Variants in RAB38 observed in about 807,000 individuals in gnomAD.
The protein encoded by RAB38 is ras-related protein Rab-38.
A neutral mutation model predicts 18.4 loss-of-function variants in RAB38; 15 were observed. The observed-to-expected ratio is 0.82, with a 90% CI of 0.55 to 1.26. The LOEUF (loss-of-function observed/expected upper bound fraction) is 1.26. Ranked by LOEUF, RAB38 falls within the 50% of genes most tolerant of loss-of-function variation. RAB38 has a pLI of 0.00. For missense variants in RAB38, 294 were observed against 267.4 expected, an observed-to-expected ratio of 1.10 and a Z score of -0.69; for synonymous variants, 101 against 104.4, an observed-to-expected ratio of 0.97 and a Z score of 0.20.
At chr11:88,018,697 G>A in the RAB38 span, among the ~76,000 whole-genome samples, 1 of 152,022 alleles carries the variant, frequency 6.6e-6, no homozygotes, top group East Asian at 1.9e-4. Flanking sequence ...ATATAAAATT[G>A]TGTAATATTT....
chr11:87,857,844 C>T, the RAB38 span, among the ~76,000 whole-genome samples: 1 of 152,108 alleles, frequency 6.6e-6, no homozygotes, highest in South Asian at 2.1e-4. Context: ...GTTTCTTTTG[C>T]TGTGCAGAAG....
the RAB38 span, among the ~76,000 whole-genome samples, chr11:87,957,078 C>G: frequency 0.056 from 8,553 of 151,968 alleles, 300 homozygotes; most frequent in Non-Finnish European, 0.084. Flanking sequence ...ATGAATCTGT[C>G]TATTGTTATA....
the RAB38 span, among the ~76,000 whole-genome samples, chr11:87,884,961 C>T: frequency 1.3e-5 from 2 of 151,852 alleles, no homozygotes; most frequent in African/African-American, 2.4e-5. Context: ...TCAGTGGTTC[C>T]CAAACCTACC....
the RAB38 span, among the ~76,000 whole-genome samples, chr11:88,089,876 G>A: frequency 6.6e-6 from 1 of 151,910 alleles, no homozygotes; most frequent in Admixed American, 6.6e-5. Flanking sequence ...GTACTGGTTT[G>A]GCTTACTTTC....
At chr11:88,151,664 T>C (rs1943064567) in intron 1 of RAB38, among the ~76,000 whole-genome samples, 1 of 152,226 alleles carries the variant, frequency 6.6e-6, no homozygotes. Context: ...AACATATCTC[T>C]AAGAAGAACA....
At chr11:87,876,843 C>T in the RAB38 span, among the ~76,000 whole-genome samples, 7 of 151,448 alleles carry the variant, frequency 4.6e-5, no homozygotes, top group East Asian at 2.0e-4. Context: ...GCAGTGATAC[C>T]GGGCACAATT....
chr11:88,136,976 C>T (rs1036801116), intron 2 of RAB38, among the ~76,000 whole-genome samples: 6 of 152,180 alleles, frequency 3.9e-5, no homozygotes, highest in Admixed American at 1.3e-4. Flanking sequence ...AACTAGCATA[C>T]CCCTGTAGGT....
chr11:87,948,820 A>G, the RAB38 span, among the ~76,000 whole-genome samples: 2 of 151,702 alleles, frequency 1.3e-5, no homozygotes, highest in Non-Finnish European at 2.9e-5. Context: ...TTTTTGCATC[A>G]ATGTTCATCA....
At chr11:87,947,354 T>C in the RAB38 span, among the ~76,000 whole-genome samples, 50 of 146,680 alleles carry the variant, frequency 3.4e-4, no homozygotes, top group African/African-American at 1.2e-3. Flanking sequence ...TTCACTCTGA[T>C]GGTAGTTTCT....
the RAB38 span, among the ~76,000 whole-genome samples, chr11:88,034,721 AG>A: frequency 6.6e-6 from 1 of 152,160 alleles, no homozygotes; most frequent in African/African-American, 2.4e-5. Context: ...TTGAGTTTCA[AG>A]AGTTCTTTGA....
chr11:88,108,596 A>G (rs1942431819), downstream of RAB38, among the ~76,000 whole-genome samples: 1 of 152,134 alleles, frequency 6.6e-6, no homozygotes, highest in Non-Finnish European at 1.5e-5. Context: ...CTCTTTATCC[A>G]ATTTGCCAGT....
At chr11:87,950,973 C>T in the RAB38 span, among the ~76,000 whole-genome samples, 1 of 152,156 alleles carries the variant, frequency 6.6e-6, no homozygotes, top group East Asian at 1.9e-4. Context: ...TAATATCCTG[C>T]AGAGTGTTTT....
At chr11:88,011,108 T>G in the RAB38 span, among the ~76,000 whole-genome samples, 1 of 152,186 alleles carries the variant, frequency 6.6e-6, no homozygotes. Context: ...CTGAGAGAAA[T>G]ATTAAATGGC....
chr11:87,816,522 T>C, the RAB38 span: 1 of 152,130 alleles, frequency 6.6e-6, no homozygotes, highest in African/African-American at 2.4e-5. Flanking sequence ...CTGGTGTTAA[T>C]TTGGTGAATA....
the RAB38 span, among the ~76,000 whole-genome samples, chr11:88,042,204 T>A: frequency 6.6e-6 from 1 of 152,156 alleles, no homozygotes; most frequent in African/African-American, 2.4e-5. Context: ...GGTAGAAGTC[T>A]GTTTCTCTCC....
the RAB38 span, among the ~76,000 whole-genome samples, chr11:87,813,896 G>A: frequency 2.4e-3 from 370 of 152,246 alleles, 2 homozygotes; most frequent in African/African-American, 2.8e-3. Context: ...GCTGTTTCCC[G>A]TGGGGGTGTG....
chr11:88,169,394 T>C (rs962546744), intron 1 of RAB38, among the ~76,000 whole-genome samples: 5 of 152,230 alleles, frequency 3.3e-5, no homozygotes, highest in Non-Finnish European at 5.9e-5. Flanking sequence ...GAGCACATAT[T>C]ACTTTATTAA....
At chr11:88,126,843 G>T (rs1370283134) in intron 2 of RAB38, among the ~76,000 whole-genome samples, 1 of 152,168 alleles carries the variant, frequency 6.6e-6, no homozygotes, top group African/African-American at 2.4e-5. Flanking sequence ...ACTTCACAAG[G>T]TTATTGAGGA....
chr11:87,966,847 G>T, the RAB38 span, among the ~76,000 whole-genome samples: 1 of 152,194 alleles, frequency 6.6e-6, no homozygotes, highest in African/African-American at 2.4e-5. Flanking sequence ...GTGAGCCAGT[G>T]CTGTGATGAT....
Sources: allele counts gnomAD v4.1 joint callset (sites outside exome capture counted in the v4.1 genomes callset), GRCh38; gene constraint gnomAD v4.1.1; transcripts MANE v1.5; gene names NCBI Gene and HGNC (gene_info 2026-07-23, HGNC 2026-07-21).